The following CSMD3 variants were observed in gnomAD, a reference collection of about 807,000 sequenced individuals.
CSMD3 encodes the protein CUB and Sushi multiple domains 3.
A neutral mutation model predicts 435.2 loss-of-function variants in CSMD3; 177 were observed. The observed-to-expected ratio is 0.41, with a 90% CI of 0.36 to 0.46. CSMD3 has a LOEUF of 0.46. Among genes scored for constraint, CSMD3 ranks in the 20% least tolerant of loss-of-function variants. The pLI, the probability that CSMD3 is intolerant of heterozygous loss-of-function variation, is 0.34. For missense variants in CSMD3, 4,265 were observed against 4,504.6 expected (o/e 0.95, Z 1.52); for synonymous variants, 1,656 against 1,520.5 (o/e 1.09, Z -2.07).
In CSMD3 at chr8:112,367,906, T is replaced by A. The variant is rs143117218; in HGVS notation, c.6136+12446A>T. Among the ~76,000 whole-genome samples, 81 of 152,306 alleles carry A rather than the reference T, an allele frequency of 5.3e-4. 1 individual carries two copies. The highest frequency in any genetic ancestry group is 3.4e-3 in the Middle Eastern group (1 of 294). On this transcript the variant is annotated intron_variant, in intron 38 of 70. Coordinates refer to ENST00000297405, the MANE Select transcript of CSMD3 (RefSeq NM_198123.2). Reference sequence around the variant, plus strand: ...CATCAGCTATAAAGGGTAGCATTTATTAAGGGTTTACTATATAACTGGCAC... The same window carrying A: ...CATCAGCTATAAAGGGTAGCATTTAATAAGGGTTTACTATATAACTGGCAC...
chr8:113,370,819 T>C (rs939427588), intron 1 of CSMD3, among the ~76,000 whole-genome samples: 1 of 152,062 alleles, frequency 6.6e-6, no homozygotes, highest in Admixed American at 6.5e-5. Context: ...ATAAAGTTTA[T>C]ATTTTGCCTG....
At chr8:112,320,030 A>T (rs2130868215) in intron 45 of CSMD3, 49 bp from the exon 46 acceptor site, 1 of 1,189,726 alleles carries the variant, frequency 8.4e-7, no homozygotes, top group East Asian at 2.3e-5. Flanking sequence ...AGCTACATGT[A>T]TTCACATATG....
chr8:112,921,828 A>G, intron 9 of CSMD3, 77 bp from the exon 10 acceptor site: 1 of 1,123,842 alleles, frequency 8.9e-7, no homozygotes, highest in Non-Finnish European at 1.3e-6. Flanking sequence ...TGCTGGCAAT[A>G]TCCAATAGGT....
chr8:112,686,783 G>C (rs1586968654), intron 14 of CSMD3, among the ~76,000 whole-genome samples: 1 of 151,930 alleles, frequency 6.6e-6, no homozygotes, highest in East Asian at 1.9e-4. Flanking sequence ...ACCGTGCCCG[G>C]CCTTTTATTA....
chr8:113,132,523 G>T (rs1180367709), intron 4 of CSMD3, among the ~76,000 whole-genome samples: 1 of 152,098 alleles, frequency 6.6e-6, no homozygotes, highest in African/African-American at 2.4e-5. Flanking sequence ...ACCACGCTAA[G>T]ATGTACCTGC....
At chr8:113,296,986 A>G (rs1286617829) in intron 2 of CSMD3, among the ~76,000 whole-genome samples, 2 of 152,182 alleles carry the variant, frequency 1.3e-5, no homozygotes, top group African/African-American at 4.8e-5. Flanking sequence ...ATACAGGGTC[A>G]TGCTACTTTC....
At chr8:113,407,067 T>A (rs1276045880) in intron 1 of CSMD3, among the ~76,000 whole-genome samples, 3 of 152,114 alleles carry the variant, frequency 2.0e-5, no homozygotes, top group Non-Finnish European at 4.4e-5. Flanking sequence ...GGTAGCTACA[T>A]AAAAATTTAG....
At chr8:112,358,062 T>C (rs11780719) in intron 38 of CSMD3, among the ~76,000 whole-genome samples, 65,248 of 151,952 alleles carry the variant, frequency 0.43, 14,658 homozygotes, top group Middle Eastern at 0.54. Context: ...TGGAGCTTCC[T>C]AAGAGGGAAC....
intron 5 of CSMD3, among the ~76,000 whole-genome samples, chr8:113,048,088 T>C (rs1410849713): frequency 6.8e-6 from 1 of 146,758 alleles, no homozygotes; most frequent in Non-Finnish European, 1.5e-5. Context: ...CAATTCTTTT[T>C]TTTTTTTTTT....
intron 5 of CSMD3, among the ~76,000 whole-genome samples, chr8:113,046,329 C>A (rs575479102): frequency 1.3e-5 from 2 of 149,374 alleles, no homozygotes; most frequent in East Asian, 3.9e-4. Context: ...AAACAAACAA[C>A]AACAACAAAA....
chr8:112,671,355 C>T lies in CSMD3; in HGVS notation c.2678-4940G>A, dbSNP rs983907478. Among the ~76,000 whole-genome samples, 31 of 151,990 alleles carry T rather than the reference C, an allele frequency of 2.0e-4. 1 individual carries two copies. The highest frequency in any genetic ancestry group is 6.6e-4 in the Admixed American group (10 of 15,226). On this transcript the variant is annotated intron_variant, in intron 16 of 70. Coordinates refer to ENST00000297405, the MANE Select transcript of CSMD3 (RefSeq NM_198123.2). ...TGACCTGGGAGCCATCCCTTTGAAG[C>T]ACCCTTATTTTCCACTCTCTCTGTG...
At chr8:112,720,553 A>G (rs1219250918) in intron 13 of CSMD3, among the ~76,000 whole-genome samples, 2 of 152,168 alleles carry the variant, frequency 1.3e-5, no homozygotes, top group African/African-American at 4.8e-5. Flanking sequence ...CGGACCCTAC[A>G]TACATGCGAG....
chr8:113,079,803 T>C (rs1268245620), intron 5 of CSMD3, among the ~76,000 whole-genome samples: 1 of 152,200 alleles, frequency 6.6e-6, no homozygotes, highest in African/African-American at 2.4e-5. Context: ...AGTTATAATA[T>C]TCTGACTTCT....
At chr8:113,160,536 A>C (rs1397253380) in intron 4 of CSMD3, among the ~76,000 whole-genome samples, 1 of 152,030 alleles carries the variant, frequency 6.6e-6, no homozygotes, top group African/African-American at 2.4e-5. Flanking sequence ...GAACAGCTTA[A>C]ACTAGAAAGA....
At chr8:112,656,461 T>G in intron 17 of CSMD3, 120 bp from the exon 18 acceptor site, 6 of 672,958 alleles carry the variant, frequency 8.9e-6, no homozygotes, top group Non-Finnish European at 1.2e-5. Flanking sequence ...TATAATTTTC[T>G]TTAGCTTATC....
intron 4 of CSMD3, among the ~76,000 whole-genome samples, chr8:113,119,700 T>C (rs2090931803): frequency 6.6e-6 from 1 of 152,136 alleles, no homozygotes; most frequent in South Asian, 2.1e-4. Flanking sequence ...ATCTTCTATA[T>C]TTGAATTTGA....
At chr8:113,424,068 T>G (rs2094622388) in intron 1 of CSMD3, among the ~76,000 whole-genome samples, 1 of 151,686 alleles carries the variant, frequency 6.6e-6, no homozygotes, top group African/African-American at 2.4e-5. Flanking sequence ...TTACAGAATG[T>G]GAAAGGGAAT....
At chr8:112,676,221 G>GA (rs1179596350) in intron 16 of CSMD3, among the ~76,000 whole-genome samples, 1 of 152,042 alleles carries the variant, frequency 6.6e-6, no homozygotes, top group East Asian at 1.9e-4. Context: ...AACCAGGCTA[G>GA]AGATGTAAAT....
chr8:113,325,471 C>A (rs961000445), intron 1 of CSMD3, among the ~76,000 whole-genome samples: 6 of 152,166 alleles, frequency 3.9e-5, no homozygotes, highest in Admixed American at 3.9e-4. Context: ...CTTTCTCCTC[C>A]TTGCCTTCCA....
Sources: allele counts gnomAD v4.1 joint callset (sites outside exome capture counted in the v4.1 genomes callset), GRCh38; gene constraint gnomAD v4.1.1; transcripts MANE v1.5; gene names NCBI Gene and HGNC (gene_info 2026-07-23, HGNC 2026-07-21).